Variants in SAMD12 observed in about 807,000 individuals in gnomAD.
SAMD12 encodes sterile alpha motif domain-containing protein 12.
Under a neutral mutation model 15.0 loss-of-function variants are expected in SAMD12, and 9 were observed. The ratio of observed to expected loss-of-function variants is 0.60; its 90% confidence interval spans 0.36 to 1.05. The LOEUF (loss-of-function observed/expected upper bound fraction) is 1.05, where lower values mean the gene tolerates loss of function less well. SAMD12 is among the 50% of genes least tolerant of loss of function. The pLI is 0.01. For missense variants in SAMD12, 230 were observed against 234.2 expected, an observed-to-expected ratio of 0.98 and a Z score of 0.12; for synonymous variants, 86 against 90.1, an observed-to-expected ratio of 0.96 and a Z score of 0.25.
the SAMD12 span, among the ~76,000 whole-genome samples, chr8:118,149,429 T>C: frequency 2.6e-5 from 4 of 152,274 alleles, no homozygotes; most frequent in Non-Finnish European, 5.9e-5. Context: ...TTTCCATCTG[T>C]ATATATTCAA....
At chr8:118,279,858 C>G (rs114396784) in intron 4 of SAMD12, among the ~76,000 whole-genome samples, 17 of 152,282 alleles carry the variant, frequency 1.1e-4, no homozygotes, top group African/African-American at 3.9e-4. Context: ...CAGCCTGGCC[C>G]AGTGGGATTC....
At chr8:118,427,980 A>G (rs1822283947) in intron 3 of SAMD12, among the ~76,000 whole-genome samples, 1 of 152,176 alleles carries the variant, frequency 6.6e-6, no homozygotes, top group African/African-American at 2.4e-5. Context: ...TACTGGGTGT[A>G]AAGTATTATT....
intron 4 of SAMD12, among the ~76,000 whole-genome samples, chr8:118,225,035 CAG>C (rs779846497): frequency 6.6e-6 from 1 of 152,170 alleles, no homozygotes; most frequent in African/African-American, 2.4e-5. Context: ...ATGAAAAGGG[CAG>C]AGAGTTGGAG....
intron 2 of SAMD12, among the ~76,000 whole-genome samples, chr8:118,473,372 G>C (rs1183687093): frequency 6.6e-6 from 1 of 152,116 alleles, no homozygotes; most frequent in Non-Finnish European, 1.5e-5. Flanking sequence ...TAGTAATAGA[G>C]AATCTAAAGA....
At chr8:118,355,895 G>C (rs1818204220) in intron 4 of SAMD12, among the ~76,000 whole-genome samples, 1 of 152,110 alleles carries the variant, frequency 6.6e-6, no homozygotes, top group African/African-American at 2.4e-5. Flanking sequence ...TGTGTCTGAA[G>C]CAATTTAATG....
At chr8:118,154,500 A>T in the SAMD12 span, among the ~76,000 whole-genome samples, 161 of 152,334 alleles carry the variant, frequency 1.1e-3, 1 homozygote, top group African/African-American at 3.7e-3. Context: ...AAAAATGTGC[A>T]TGTATCGATT....
chr8:118,260,974 C>T (rs1463566528), intron 4 of SAMD12, among the ~76,000 whole-genome samples: 1 of 152,096 alleles, frequency 6.6e-6, no homozygotes, highest in Non-Finnish European at 1.5e-5. Context: ...CTTCTCTTTC[C>T]TTTCACAACA....
At chr8:118,175,057 C>A in the SAMD12 span, among the ~76,000 whole-genome samples, 14,160 of 140,362 alleles carry the variant, frequency 0.1, 1,966 homozygotes, top group African/African-American at 0.31. Context: ...ACAAAAAAAA[C>A]AAACAAAAAC....
At chr8:118,433,566 TTAGTAAGTTTATAATTTAGAAAGC>T (rs1402096251) in intron 3 of SAMD12, among the ~76,000 whole-genome samples, 1 of 152,184 alleles carries the variant, frequency 6.6e-6, no homozygotes, top group Non-Finnish European at 1.5e-5. Flanking sequence ...TATATTAAAG[TTAGTAAGTTTATAATTTAGAAAGC>T]TAGTAAGTGT....
At chr8:118,374,244 C>T (rs986223620), downstream of SAMD12, among the ~76,000 whole-genome samples, 1 of 151,998 alleles carries the variant, frequency 6.6e-6, no homozygotes, top group Non-Finnish European at 1.5e-5. Context: ...CATTATTTGT[C>T]CTTTTGTGAC....
At chr8:118,534,658 C>T (rs1825788817) in intron 2 of SAMD12, among the ~76,000 whole-genome samples, 1 of 152,162 alleles carries the variant, frequency 6.6e-6, no homozygotes, top group African/African-American at 2.4e-5. Context: ...ACTCTTTTCT[C>T]TCTAAATTTC....
intron 4 of SAMD12, among the ~76,000 whole-genome samples, chr8:118,211,650 A>G (rs1240378214): frequency 6.6e-6 from 1 of 152,128 alleles, no homozygotes; most frequent in African/African-American, 2.4e-5. Flanking sequence ...AATCTATAAA[A>G]TTATGAGGCC....
At chr8:118,376,232 C>T (rs73325697), downstream of SAMD12, among the ~76,000 whole-genome samples, 7,042 of 152,208 alleles carry the variant, frequency 0.046, 523 homozygotes, top group African/African-American at 0.16. Context: ...TCTTAAAATG[C>T]GTTGGTTAGT....
intron 2 of SAMD12, among the ~76,000 whole-genome samples, chr8:118,554,589 C>T (rs200620778): frequency 6.6e-6 from 1 of 151,790 alleles, no homozygotes; most frequent in Non-Finnish European, 1.5e-5. Context: ...TGACGAGTTA[C>T]TGGGTGCAGC....
the SAMD12 span, among the ~76,000 whole-genome samples, chr8:118,162,780 A>C: frequency 6.6e-6 from 1 of 152,216 alleles, no homozygotes; most frequent in African/African-American, 2.4e-5. Flanking sequence ...AAATGGAGAC[A>C]ATGGTTGGTA....
At chr8:118,379,982 A>T (rs1398267958) in intron 3 of SAMD12, among the ~76,000 whole-genome samples, 1 of 152,124 alleles carries the variant, frequency 6.6e-6, no homozygotes, top group African/African-American at 2.4e-5. Flanking sequence ...AGTTAGATAA[A>T]ATAGGAAAAC....
intron 2 of SAMD12, 139 bp from the exon 3 acceptor site, chr8:118,440,100 C>G: frequency 2.6e-6 from 2 of 756,914 alleles, no homozygotes; most frequent in Non-Finnish European, 4.2e-6. Context: ...TTCTCCTAAC[C>G]TCTGTAGACC....
chr8:118,314,139 A>AT (rs1214758758), intron 4 of SAMD12, among the ~76,000 whole-genome samples: 4 of 152,032 alleles, frequency 2.6e-5, no homozygotes, highest in South Asian at 2.1e-4. Flanking sequence ...TTTTCTATAT[A>AT]TTTTTTCTGT....
At chr8:118,171,497 T>C in the SAMD12 span, among the ~76,000 whole-genome samples, 5 of 152,200 alleles carry the variant, frequency 3.3e-5, no homozygotes, top group Admixed American at 2.6e-4. Flanking sequence ...AAGTATTACT[T>C]GACAATCAAA....
Sources: gnomAD v4.1 joint callset for allele counts (sites outside exome capture counted in the v4.1 genomes callset) on GRCh38, gnomAD v4.1.1 for gene constraint, MANE v1.5 for transcripts, NCBI Gene and HGNC (gene_info 2026-07-23, HGNC 2026-07-21) for gene names.